The following ISOC2 variants were observed in gnomAD, a reference collection of about 807,000 sequenced individuals.
The protein encoded by ISOC2 is isochorismatase domain containing 2.
Under a neutral mutation model 19.3 loss-of-function variants are expected in ISOC2, and 15 were observed. That is an observed-to-expected ratio of 0.78 (90% confidence interval 0.52 to 1.20). The LOEUF is 1.20. Ranked by LOEUF, ISOC2 falls within the 50% of genes most tolerant of loss-of-function variation. ISOC2 has a pLI of 0.00. For synonymous variants in ISOC2, 106 were observed against 115.8 expected, an observed-to-expected ratio of 0.92 and a Z score of 0.54; for missense variants, 285 against 272.4, an observed-to-expected ratio of 1.05 and a Z score of -0.33.
chr19:55,454,756 G>A (rs1985986674), intron 5 of ISOC2: 1 of 569,278 alleles, frequency 1.8e-6, no homozygotes, highest in Non-Finnish European at 3.1e-6. Context: ...CCTCCTCTGT[G>A]CCCTGACCCT....
At position 55,453,228 on chromosome 19, in the gene ISOC2, G is replaced by T; in HGVS notation, c.*80C>A. Reference sequence around the variant, plus strand: ...TCCTGGTGGATCGCACCACTCTTGGGATCCAGGGATGGGGGGAACGGGCTT... The same window carrying T: ...TCCTGGTGGATCGCACCACTCTTGGTATCCAGGGATGGGGGGAACGGGCTT... On this transcript the variant is annotated 3_prime_UTR_variant, in exon 6 of 6. Coordinates refer to ENST00000425675, the MANE Select transcript of ISOC2 (RefSeq NM_001136201.2). 1 of 1,039,934 alleles carries T rather than the reference G, an allele frequency of 9.6e-7. No individual in the cohort carries two copies. Among genetic ancestry groups the T allele is most frequent in the Non-Finnish European group, 1.4e-6 (1 of 715,772 alleles). 64.4% of individuals were successfully genotyped at this position (1,039,934 alleles called of 1,614,324 possible). A position where few individuals can be genotyped will look rare whatever the true frequency, so the allele number is the denominator to read the frequency against.
intron 5 of ISOC2, chr19:55,453,597 T>C: frequency 2.3e-6 from 1 of 434,462 alleles, no homozygotes; most frequent in Non-Finnish European, 4.1e-6. Context: ...GCCATCTTGG[T>C]GTGCTTTGCG....
rs759262849 is a variant in ISOC2, at chr19:55,453,258, T to G, written c.*50A>C. On this transcript the variant is annotated 3_prime_UTR_variant, in exon 6 of 6. Coordinates refer to ENST00000425675, the MANE Select transcript of ISOC2 (RefSeq NM_001136201.2). The stretch of plus-strand genomic sequence containing the variant: ...AGGGATGGGGGGAACGGGCTTCCAC[T>G]GAGGTCCGGGTGACAGGAGGGTGGT... 32 of 1,400,366 alleles carry G rather than the reference T, an allele frequency of 2.3e-5. No individual in the cohort carries two copies. The highest frequency in any genetic ancestry group is 3.1e-5 in the Non-Finnish European group (31 of 1,014,618). The allele number at this position is 1,400,366 out of a possible 1,614,324, so 86.7% of individuals were successfully genotyped here. A position where few individuals can be genotyped will look rare whatever the true frequency, so the allele number is the denominator to read the frequency against.
chr19:55,454,936 G>A, intron 5 of ISOC2, 53 bp downstream of exon 5: 5 of 1,353,600 alleles, frequency 3.7e-6, no homozygotes, highest in Non-Finnish European at 5.3e-6. Flanking sequence ...AGAGCCCAAA[G>A]ACAAGACCTT....
intron 1 of ISOC2, among the ~76,000 whole-genome samples, chr19:55,456,935 GC>G (rs1180018823): frequency 6.6e-6 from 1 of 152,114 alleles, no homozygotes; most frequent in African/African-American, 2.4e-5. Context: ...GTCACCATCA[GC>G]CCCGGTTACT....
Position 55,455,747 on chromosome 19 carries a change from C to G in ISOC2, c.237G>C (p.Pro79=), listed in dbSNP as rs543357952. 2 of 1,595,982 alleles carry G rather than the reference C, an allele frequency of 1.3e-6. No individual in the cohort carries two copies. Among genetic ancestry groups the G allele is most frequent in the Non-Finnish European group, 1.7e-6 (2 of 1,171,954 alleles). The change falls in exon 3 of 6, where the codon CCG becomes CCC. Residue 79 remains proline, a synonymous_variant. Transcript: ENST00000425675. The part of the protein sequence containing the change: ...VPELGTEGLR[P]LAKTCFSMVP... The stretch of plus-strand genomic sequence containing the variant: ...CCATGCTGAAGCAGGTCTTGGCCAG[C>G]GGCCGAAGGCCCTCAGTCCCCAGCT...
chr19:55,455,206 C>CT, intron 4 of ISOC2, 54 bp downstream of exon 4: 1 of 1,569,292 alleles, frequency 6.4e-7, no homozygotes, highest in South Asian at 1.1e-5. Context: ...GTGGCCCTTC[C>CT]TGGGAGCCCC....
chr19:55,454,792 T>G, intron 5 of ISOC2, 197 bp downstream of exon 5: 2 of 572,636 alleles, frequency 3.5e-6, no homozygotes, highest in Non-Finnish European at 3.1e-6. Flanking sequence ...CATTTTATTG[T>G]TCTCTGTGGC....
At chr19:55,456,999 G>T in intron 1 of ISOC2, 1 of 151,524 alleles carries the variant, frequency 6.6e-6, no homozygotes, top group Non-Finnish European at 1.4e-5. Context: ...GTTACCATCA[G>T]CCCCAAAACG....
intron 5 of ISOC2, 34 bp downstream of exon 5, chr19:55,454,955 G>C (rs200267091): frequency 6.4e-5 from 92 of 1,437,662 alleles, no homozygotes; most frequent in Non-Finnish European, 8.6e-5. Flanking sequence ...TTTGACAGAT[G>C]CAGGGGAGGT....
At chr19:55,453,518 C>G (rs1327080272) in intron 5 of ISOC2, 130 bp from the exon 6 acceptor site, 2 of 587,872 alleles carry the variant, frequency 3.4e-6, no homozygotes, top group Non-Finnish European at 5.7e-6. Flanking sequence ...AGACAACACT[C>G]CCTCTTCTCA....
chr19:55,455,184 G>A lies in ISOC2; in HGVS notation c.419+76C>T, dbSNP rs1986006080. 6 of 1,565,898 alleles carry A rather than the reference G, an allele frequency of 3.8e-6. No individual in the cohort carries two copies. The South Asian group carries it at 6.8e-5, about 18-fold the overall frequency. ...ACCCAGACACGCAGGCACCCTGGTG[G>A]GAATGCCGCCTGTGGCCCTTCCTGG... is the stretch of plus-strand genomic sequence containing the variant. On this transcript the variant is annotated intron_variant, in intron 4 of 5. Coordinates refer to ENST00000425675, the MANE Select transcript of ISOC2 (RefSeq NM_001136201.2).
At chr19:55,455,216 CT>C in intron 4 of ISOC2, 43 bp downstream of exon 4, 1 of 1,573,600 alleles carries the variant, frequency 6.4e-7, no homozygotes, top group South Asian at 1.1e-5. Flanking sequence ...CTGGGAGCCC[CT>C]GATGGCCCCC....
At chr19:55,455,435 G>A (rs1986018834) in intron 3 of ISOC2, 105 bp from the exon 4 acceptor site, 1 of 1,464,782 alleles carries the variant, frequency 6.8e-7, no homozygotes. Flanking sequence ...TGGGGAGGAG[G>A]GAGGCTCGGA....
rs765703122 is a variant in ISOC2 at position 55,453,406 on chromosome 19, GAT to G, written c.538-20_538-19del. The G allele has an allele frequency of 6.3e-7, 1 of 1,575,904 alleles. No homozygotes were observed. Among genetic ancestry groups the G allele is most frequent in the Non-Finnish European group, 8.6e-7 (1 of 1,159,432 alleles). ...TTCTGGATCTGTAAGGGCAGGGGGC[GAT>G]GGGTCAGGAAGCGTCTAGGGTCCCG... On this transcript the variant is annotated intron_variant, in intron 5 of 5. Coordinates refer to ENST00000425675, the MANE Select transcript of ISOC2 (RefSeq NM_001136201.2).
chr19:55,453,935 C>T (rs1240932227), intron 5 of ISOC2: 1 of 152,274 alleles, frequency 6.6e-6, no homozygotes, highest in Non-Finnish European at 1.5e-5. Flanking sequence ...AATTAACCTC[C>T]TTACTGACAG....
At chr19:55,453,428 G>A in intron 5 of ISOC2, 40 bp from the exon 6 acceptor site, 1 of 1,427,942 alleles carries the variant, frequency 7.0e-7, no homozygotes, top group Non-Finnish European at 9.5e-7. Flanking sequence ...AGCGTCTAGG[G>A]TCCCGATCTC....
chr19:55,461,175 G>T (rs1215832589), intron 1 of ISOC2, among the ~76,000 whole-genome samples: 1 of 152,102 alleles, frequency 6.6e-6, no homozygotes, highest in Non-Finnish European at 1.5e-5. Flanking sequence ...GCGGGGTAGG[G>T]CCGTTGATTT....
intron 1 of ISOC2, chr19:55,460,028 C>T (rs1174071173): frequency 6.6e-6 from 1 of 152,222 alleles, no homozygotes; most frequent in Admixed American, 6.5e-5. Flanking sequence ...TACACAAACC[C>T]TCTGACCTCA....
Sources: allele counts gnomAD v4.1 joint callset (sites outside exome capture counted in the v4.1 genomes callset), GRCh38; gene constraint gnomAD v4.1.1; transcripts MANE v1.5; gene names NCBI Gene and HGNC (gene_info 2026-07-23, HGNC 2026-07-21).